The following FKBP8 variants were observed in gnomAD, a reference collection of about 807,000 sequenced individuals.
FKBP8 encodes peptidyl-prolyl cis-trans isomerase FKBP8.
Under a neutral mutation model 41.7 loss-of-function variants are expected in FKBP8, and 5 were observed. The observed-to-expected ratio is 0.12, with a 90% CI of 0.06 to 0.25. The LOEUF (loss-of-function observed/expected upper bound fraction) is 0.25. Among genes scored for constraint, FKBP8 ranks in the 10% least tolerant of loss-of-function variants. The probability of loss-of-function intolerance (pLI) is 1.00; values close to 1 mark genes in which losing one functional copy is unlikely to be tolerated. For synonymous variants in FKBP8, 279 were observed against 254.5 expected (o/e 1.10, Z -0.92); for missense variants, 397 against 563.0 (o/e 0.71, Z 2.98).
rs572657927 is a variant in FKBP8, at chr19:18,534,851, G to C, written c.946-1504C>G. Among the ~76,000 whole-genome samples the C allele has an allele frequency of 2.6e-5, 4 of 152,020 alleles. No homozygotes were observed. In the East Asian group the frequency reaches 7.7e-4, roughly 29 times the overall value. On this transcript the variant is annotated intron_variant, in intron 6 of 8. Transcript: ENST00000608443. ...CGCCCAGGCTGGAGTGCAGTGGCACGATCTTGGCTCAATGCAAGCTCTGCC... is the reference window on the plus strand; with the variant it reads ...CGCCCAGGCTGGAGTGCAGTGGCACCATCTTGGCTCAATGCAAGCTCTGCC...
At position 18,537,281 on chromosome 19, in the gene FKBP8, TG is replaced by T. The variant is rs910695689; in HGVS notation, c.945+319del. On this transcript the variant is annotated intron_variant, in intron 6 of 8. Transcript: ENST00000608443. The surrounding 1 kb of genome is among the most constrained non-coding windows in gnomAD (Gnocchi z 4.4). ...TGAACCCAGGAGGAGGAGGTTGCGG[TG>T]GTGAGCTGAGATCACACCACTGCAC... Among the ~76,000 whole-genome samples the T allele has an allele frequency of 6.6e-6, 1 of 151,860 alleles. No individual in the cohort carries two copies. Among genetic ancestry groups the T allele is most frequent in the African/African-American group, 2.4e-5 (1 of 41,278 alleles).
intron 4 of FKBP8, among the ~76,000 whole-genome samples, chr19:18,539,152 G>C (rs1045278362): frequency 4.6e-5 from 7 of 152,128 alleles, no homozygotes; most frequent in Admixed American, 1.3e-4. Flanking sequence ...GTATAGAGAT[G>C]CGGTCTATAT....
rs986650351 is a variant in FKBP8, at chr19:18,532,800, A to G, written c.1024-5T>C. ...TGAGAGCTCTGCGTGGATCGTCTGCAGAAGGCAGGGGAAGCTGAGAACACG... is the reference window on the plus strand; with the variant it reads ...TGAGAGCTCTGCGTGGATCGTCTGCGGAAGGCAGGGGAAGCTGAGAACACG... On this transcript the variant is annotated splice_region_variant and splice_polypyrimidine_tract_variant and intron_variant, in intron 7 of 8. Transcript: ENST00000608443. The G allele has an allele frequency of 6.2e-7, 1 of 1,613,598 alleles. No homozygotes were observed. The highest frequency in any genetic ancestry group is 1.3e-5 in the African/African-American group (1 of 75,072).
At chr19:18,532,476 AC>A in intron 8 of FKBP8, 187 bp downstream of exon 8, 3 of 1,009,264 alleles carry the variant, frequency 3.0e-6, no homozygotes, top group South Asian at 3.2e-5. Flanking sequence ...TCCACAGTCC[AC>A]CCCCAGCCCT....
chr19:18,534,755 A>G (rs544201098), intron 6 of FKBP8, among the ~76,000 whole-genome samples: 15 of 150,018 alleles, frequency 1.0e-4, no homozygotes, highest in Non-Finnish European at 1.9e-4. Flanking sequence ...CGAATTATTT[A>G]TTTATGTATT....
At chr19:18,532,412 C>T (rs1976468493) in intron 8 of FKBP8, 157 bp from the exon 9 acceptor site, 1 of 928,506 alleles carries the variant, frequency 1.1e-6, no homozygotes, top group Non-Finnish European at 1.7e-6. Context: ...GCAGCAAAAC[C>T]CAAATCAAAT....
Position 18,539,680 on chromosome 19 carries a change from C to A in FKBP8, c.333G>T (p.Pro111=). The change falls in exon 3 of 9, where the codon CCG becomes CCT. Residue 111 remains proline (P), a synonymous_variant. Coordinates refer to ENST00000608443, the MANE Select transcript of FKBP8 (RefSeq NM_012181.5). ...LLRKKTLVPG[P]PGSSRPVKGQ... is the part of the protein sequence containing the mutation. ...CCTTGACCGGGCGGCTCGAACCTGG[C>A]GGCCCTGGGACCAGCGTCTTCTTCC... 1.9e-6 allele frequency: 3 copies of A among 1,610,536 alleles called. No homozygotes were observed. Among genetic ancestry groups the A allele is most frequent in the Non-Finnish European group, 2.5e-6 (3 of 1,180,010 alleles).
At position 18,538,157 on chromosome 19, in the gene FKBP8, CT is replaced by C. The variant is rs1157986695; in HGVS notation, c.772+58del. On this transcript the variant is annotated intron_variant, in intron 5 of 8. Transcript: ENST00000608443. The surrounding 1 kb of genome is among the most constrained non-coding windows in gnomAD (Gnocchi z 4.0). Reference sequence around the variant, plus strand: ...TGAGGCTCTCTGGGGCTGGAAGTTTCTGGCACGGAGTGGACACCTTTGCAGG... The same window carrying C: ...TGAGGCTCTCTGGGGCTGGAAGTTTCGGCACGGAGTGGACACCTTTGCAGG... The C allele has an allele frequency of 3.3e-6, 5 of 1,513,846 alleles. No homozygotes were observed. Among genetic ancestry groups the C allele is most frequent in the Non-Finnish European group, 4.5e-6 (5 of 1,114,848 alleles). 93.8% of individuals were successfully genotyped at this position (1,513,846 alleles called of 1,614,324 possible). A position where few individuals can be genotyped will look rare whatever the true frequency, so the allele number is the denominator to read the frequency against.
At chr19:18,540,041 A>C (rs1465186943) in intron 2 of FKBP8, among the ~76,000 whole-genome samples, 3 of 151,200 alleles carry the variant, frequency 2.0e-5, no homozygotes, top group Non-Finnish European at 4.4e-5. Context: ...CCGAGTTTCC[A>C]TCTATTTGAG....
rs770554413 is a variant in FKBP8 at position 18,538,185 on chromosome 19, G to C, written c.772+31C>G. The C allele has an allele frequency of 3.8e-6, 6 of 1,576,250 alleles. No individual in the cohort carries two copies. Among genetic ancestry groups the C allele is most frequent in the Non-Finnish European group, 5.2e-6 (6 of 1,155,156 alleles). On this transcript the variant is annotated intron_variant, in intron 5 of 8. Coordinates refer to ENST00000608443, the MANE Select transcript of FKBP8 (RefSeq NM_012181.5). The surrounding 1 kb of genome is among the most constrained non-coding windows in gnomAD (Gnocchi z 4.0). ...GCACGGAGTGGACACCTTTGCAGGGGAGATGGTGGAGATCTGACCCAGGCG... is the reference window on the plus strand; with the variant it reads ...GCACGGAGTGGACACCTTTGCAGGGCAGATGGTGGAGATCTGACCCAGGCG...
In FKBP8 at chr19:18,538,153, G is replaced by A. The variant is rs1976621560; in HGVS notation, c.772+63C>T. ...AGTCTGAGGCTCTCTGGGGCTGGAAGTTTCTGGCACGGAGTGGACACCTTT... is the reference window on the plus strand; with the variant it reads ...AGTCTGAGGCTCTCTGGGGCTGGAAATTTCTGGCACGGAGTGGACACCTTT... On this transcript the variant is annotated intron_variant, in intron 5 of 8. Transcript: ENST00000608443. The surrounding 1 kb of genome is among the most constrained non-coding windows in gnomAD (Gnocchi z 4.0). 1.5e-5 allele frequency: 22 copies of A among 1,502,562 alleles called. No homozygotes were observed. The highest frequency in any genetic ancestry group is 1.8e-4 in the Middle Eastern group (1 of 5,636). 93.1% of individuals were successfully genotyped at this position (1,502,562 alleles called of 1,614,324 possible).
rs1418794044 is a variant in FKBP8 at position 18,532,799 on chromosome 19, C to T, written c.1024-4G>A. On this transcript the variant is annotated splice_region_variant and splice_polypyrimidine_tract_variant and intron_variant, in intron 7 of 8. Coordinates refer to ENST00000608443, the MANE Select transcript of FKBP8 (RefSeq NM_012181.5). Reference sequence around the variant, plus strand: ...TTGAGAGCTCTGCGTGGATCGTCTGCAGAAGGCAGGGGAAGCTGAGAACAC... The same window carrying T: ...TTGAGAGCTCTGCGTGGATCGTCTGTAGAAGGCAGGGGAAGCTGAGAACAC... The T allele has an allele frequency of 6.2e-7, 1 of 1,613,416 alleles. No individual in the cohort carries two copies. The highest frequency in any genetic ancestry group is 8.5e-7 in the Non-Finnish European group (1 of 1,179,908).
rs570376536 is a variant in FKBP8, at chr19:18,541,788, G to A, written c.183C>T (p.Pro61=). 5 of 1,613,918 alleles carry A rather than the reference G, an allele frequency of 3.1e-6. No homozygotes were observed. The South Asian group carries it at 3.3e-5, about 11-fold the overall frequency. ...CAGGCTGCTCAGCCTCCTCCGCCGG[G>A]GGTTGTCCCATGTCCTCCAGCGGTG... The part of the protein sequence containing the change: ...ELPPLEDMGQ[P]PAEEAEQPGA... Residue 61 remains proline, a synonymous_variant, in exon 2 of 9, where the codon CCC becomes CCT. Transcript: ENST00000608443.
intron 2 of FKBP8, among the ~76,000 whole-genome samples, 187 bp downstream of exon 2, chr19:18,541,492 C>T (rs887441723): frequency 1.3e-5 from 2 of 152,212 alleles, no homozygotes; most frequent in African/African-American, 4.8e-5. Flanking sequence ...GGACACAGCA[C>T]ATTGTGCATG....
intron 1 of FKBP8, 59 bp from the exon 2 acceptor site, chr19:18,542,054 C>T: frequency 1.9e-6 from 3 of 1,540,422 alleles, no homozygotes; most frequent in East Asian, 4.6e-5. Context: ...AAAGTCTCCA[C>T]TGTACTGATT....
Position 18,538,532 on chromosome 19 carries a change from C to A in FKBP8, c.552-96G>T. On this transcript the variant is annotated intron_variant, in intron 4 of 8. Coordinates refer to ENST00000608443, the MANE Select transcript of FKBP8 (RefSeq NM_012181.5). The surrounding 1 kb of genome is among the most constrained non-coding windows in gnomAD (Gnocchi z 4.0). ...AAGGAGTGAGCTTGGCTCAAGCCCC[C>A]GATCTGTCTCCCCTCTGCCCTCCAT... 1 of 988,952 alleles carries A rather than the reference C, an allele frequency of 1.0e-6. No individual in the cohort carries two copies. The allele number at this position is 988,952 out of a possible 1,614,324, so 61.3% of individuals were successfully genotyped here.
Position 18,538,281 on chromosome 19 carries a change from G to A in FKBP8, c.707C>T (p.Ala236Val), listed in dbSNP as rs763448432. The A allele has an allele frequency of 6.2e-7, 1 of 1,613,432 alleles. No homozygotes were observed. Among genetic ancestry groups the A allele is most frequent in the Non-Finnish European group, 8.5e-7 (1 of 1,179,790 alleles). ...RECGNAHYQR[A>V]DFVLAANSYD... ...GGAGTTGGCGGCCAGGACGAAGTCC[G>A]CCCGCTGGTAGTGGGCGTTGCCGCA... The change falls in exon 5 of 9, where the codon GCG becomes GTG. Residue 236 changes from alanine (A) to valine (V), a missense_variant. Around this residue, in one of 2 missense-constraint regions of FKBP8, gnomAD observed 225 missense variants for 366.8 expected, o/e 0.61. Coordinates refer to ENST00000608443, the MANE Select transcript of FKBP8 (RefSeq NM_012181.5). The surrounding 1 kb of genome is among the most constrained non-coding windows in gnomAD (Gnocchi z 4.0).
At position 18,541,963 on chromosome 19, in the gene FKBP8, G is replaced by C; in HGVS notation, c.8C>G (p.Ser3Trp). The stretch of plus-strand genomic sequence containing the variant: ...AGAGGGCTCAGAGGGTTCAGCACAC[G>C]ATGCCATGCTGCTGGGGGGACAGGA... MA[S>W]CAEPSEPSAP... The change falls in exon 2 of 9, where the codon TCG (serine) becomes TGG (tryptophan). Residue 3 changes from serine to tryptophan, a missense_variant. Physicochemically the swap from Ser to Trp is radical, Grantham distance 177 (BLOSUM62 -3). Around this residue, in one of 2 missense-constraint regions of FKBP8, gnomAD observed 172 missense variants for 196.2 expected, o/e 0.88. Transcript: ENST00000608443. The C allele has an allele frequency of 1.2e-6, 2 of 1,613,178 alleles. No homozygotes were observed. The highest frequency in any genetic ancestry group is 1.7e-6 in the Non-Finnish European group (2 of 1,179,404).
At chr19:18,543,041 C>T in intron 1 of FKBP8, 1 of 405,706 alleles carries the variant, frequency 2.5e-6, no homozygotes. Context: ...CCCACAGCCG[C>T]TCCGTCTCGC....
Sources: allele counts gnomAD v4.1 joint callset (sites outside exome capture counted in the v4.1 genomes callset), GRCh38; gene constraint gnomAD v4.1.1; regional missense constraint gnomAD v4.1.1; non-coding constraint Gnocchi (gnomAD v3.1); transcripts MANE v1.5; gene names NCBI Gene and HGNC (gene_info 2026-07-23, HGNC 2026-07-21).